Variants in LGR5 observed in about 807,000 individuals in gnomAD.
The protein encoded by LGR5 is leucine rich repeat containing G protein-coupled receptor 5, also known as leucine-rich repeat-containing G protein-coupled receptor 5.
A neutral mutation model predicts 76.7 loss-of-function variants in LGR5; 54 were observed. That is an observed-to-expected ratio of 0.70 (90% CI 0.57 to 0.88). The LOEUF is 0.88. Ranked by LOEUF, LGR5 falls within the 40% of genes least tolerant of loss-of-function variation. LGR5 has a pLI of 0.00. For synonymous variants in LGR5, 406 were observed against 421.9 expected (o/e 0.96, Z 0.46); for missense variants, 1,078 against 1,073.3 (o/e 1.00, Z -0.06).
chr12:71,579,047 C>A, intron 15 of LGR5, 118 bp downstream of exon 15: 1 of 842,156 alleles, frequency 1.2e-6, no homozygotes, highest in Non-Finnish European at 1.7e-6. Context: ...CATTTCATGC[C>A]CTCAAGTCTC....
chr12:71,528,539 A>G (rs1246242766), intron 3 of LGR5, among the ~76,000 whole-genome samples: 1 of 152,230 alleles, frequency 6.6e-6, no homozygotes, highest in East Asian at 1.9e-4. Context: ...AATTAAAAAT[A>G]TATAGCCATG....
intron 1 of LGR5, among the ~76,000 whole-genome samples, chr12:71,490,309 A>G (rs1398352827): frequency 6.6e-6 from 1 of 152,172 alleles, no homozygotes; most frequent in East Asian, 1.9e-4. Context: ...TCTCCTTTGT[A>G]TATTTTTTGG....
intron 2 of LGR5, among the ~76,000 whole-genome samples, chr12:71,518,718 T>C (rs34699691): frequency 0.092 from 14,041 of 152,134 alleles, 701 homozygotes; most frequent in Non-Finnish European, 0.11. Context: ...TGGAGGCCAT[T>C]ATCCTCAGTG....
intron 2 of LGR5, among the ~76,000 whole-genome samples, chr12:71,513,312 G>A (rs1875261994): frequency 6.6e-6 from 1 of 152,188 alleles, no homozygotes; most frequent in African/African-American, 2.4e-5. Flanking sequence ...GAAAGGCAGT[G>A]AGAGGAGTTT....
At chr12:71,583,538 T>C (rs745418233) in intron 17 of LGR5, 109 bp from the exon 18 acceptor site, 21 of 1,303,914 alleles carry the variant, frequency 1.6e-5, no homozygotes, top group Non-Finnish European at 2.1e-5. Context: ...TATTAGGCTG[T>C]TTTTGACCAT....
At chr12:71,576,023 G>T (rs1878840137) in intron 13 of LGR5, among the ~76,000 whole-genome samples, 1 of 152,112 alleles carries the variant, frequency 6.6e-6, no homozygotes, top group African/African-American at 2.4e-5. Flanking sequence ...TCACTTATAA[G>T]TGGGAGCTGA....
At chr12:71,494,198 G>A (rs1003013806) in intron 1 of LGR5, among the ~76,000 whole-genome samples, 7 of 150,522 alleles carry the variant, frequency 4.7e-5, no homozygotes, top group Admixed American at 1.3e-4. Context: ...TGCCCGCCTC[G>A]GCCTCCCAAA....
intron 2 of LGR5, among the ~76,000 whole-genome samples, chr12:71,524,158 A>G (rs1194001088): frequency 6.6e-6 from 1 of 152,240 alleles, no homozygotes; most frequent in Non-Finnish European, 1.5e-5. Context: ...ATATGTACAT[A>G]TGGTATAAGC....
chr12:71,518,036 C>T (rs1875530526), intron 2 of LGR5, among the ~76,000 whole-genome samples: 1 of 152,154 alleles, frequency 6.6e-6, no homozygotes, highest in South Asian at 2.1e-4. Context: ...TTAGTCCCTC[C>T]TGCGCTTCCA....
At chr12:71,576,660 G>T (rs1016043852) in intron 13 of LGR5, among the ~76,000 whole-genome samples, 16 of 152,094 alleles carry the variant, frequency 1.1e-4, no homozygotes, top group Non-Finnish European at 2.4e-4. Flanking sequence ...GGAATTACAG[G>T]CCTTTGAACA....
chr12:71,501,250 G>C (rs1164031801), intron 1 of LGR5, among the ~76,000 whole-genome samples: 1 of 152,046 alleles, frequency 6.6e-6, no homozygotes, highest in African/African-American at 2.4e-5. Context: ...ATAATTTAAG[G>C]GTCAGAATGA....
rs760776706 is a variant in LGR5, at chr12:71,584,407, A to T, written c.2397A>T (p.Glu799Asp). 6.2e-7 allele frequency: 1 copy of T among 1,614,074 alleles called. No homozygotes were observed. The highest frequency in any genetic ancestry group is 1.7e-5 in the Admixed American group (1 of 60,010). The change falls in exon 18 of 18, where the codon GAA becomes GAT. Residue 799 changes from glutamate (E) to aspartate (D), a missense_variant. By Grantham distance (45) the Glu-to-Asp change is conservative. Transcript: ENST00000266674. ...TAAACCTTACATTTATCAGTCCTGA[A>T]GTAATTAAGTTTATCCTTCTGGTGG... ...SLINLTFISP[E>D]VIKFILLVVV...
chr12:71,539,878 C>A (rs1876789971), intron 4 of LGR5, among the ~76,000 whole-genome samples: 3 of 152,216 alleles, frequency 2.0e-5, no homozygotes, highest in African/African-American at 4.8e-5. Flanking sequence ...GAGCCTGCCC[C>A]TGTACAGTAT....
intron 4 of LGR5, among the ~76,000 whole-genome samples, chr12:71,550,761 G>A (rs1877441975): frequency 6.6e-6 from 1 of 152,130 alleles, no homozygotes; most frequent in South Asian, 2.1e-4. Flanking sequence ...AACGGGCCCA[G>A]CCACCACTCA....
At chr12:71,454,083 G>T (rs1349583954) in intron 1 of LGR5, among the ~76,000 whole-genome samples, 1 of 152,106 alleles carries the variant, frequency 6.6e-6, no homozygotes, top group African/African-American at 2.4e-5. Flanking sequence ...AGTTCTTGGA[G>T]CAGACAGTCT....
At chr12:71,575,736 G>A (rs1471586562) in intron 13 of LGR5, among the ~76,000 whole-genome samples, 5 of 151,762 alleles carry the variant, frequency 3.3e-5, no homozygotes, top group African/African-American at 7.3e-5. Flanking sequence ...GTGTGTGTGT[G>A]TGTGTGTGTG....
intron 1 of LGR5, among the ~76,000 whole-genome samples, chr12:71,456,170 T>C (rs1461583843): frequency 6.6e-6 from 1 of 152,104 alleles, no homozygotes; most frequent in Non-Finnish European, 1.5e-5. Context: ...ATTCCAGTCT[T>C]ACATTAAATT....
In LGR5 at chr12:71,566,880, C is replaced by G; in HGVS notation, c.1038C>G (p.Thr346=). 6.2e-7 allele frequency: 1 copy of G among 1,613,720 alleles called. No individual in the cohort carries two copies. The highest frequency in any genetic ancestry group is 8.5e-7 in the Non-Finnish European group (1 of 1,179,664). The stretch of plus-strand genomic sequence containing the variant: ...CACAGATCTCATCTCTTCCTCAAAC[C>G]GTCTGCAATCAGTTACCTAATCTCC... ...TGAQISSLPQ[T]VCNQLPNLQV... Residue 346 remains threonine (T), a synonymous_variant, in exon 11 of 18, where the codon ACC becomes ACG. Transcript: ENST00000266674.
chr12:71,565,921 A>G (rs1393660886), intron 8 of LGR5, among the ~76,000 whole-genome samples: 1 of 152,168 alleles, frequency 6.6e-6, no homozygotes, highest in African/African-American at 2.4e-5. Flanking sequence ...GACATATGCC[A>G]GAATAGCTCA....
Sources: gnomAD v4.1 joint callset for allele counts (sites outside exome capture counted in the v4.1 genomes callset) on GRCh38, gnomAD v4.1.1 for gene constraint, MANE v1.5 for transcripts, NCBI Gene and HGNC (gene_info 2026-07-23, HGNC 2026-07-21) for gene names.